Variants in RPAP2 observed in about 807,000 individuals in gnomAD.
The protein encoded by RPAP2 is RNA polymerase II associated protein 2, also known as putative RNA polymerase II subunit B1 CTD phosphatase RPAP2.
RPAP2 carries 52 observed loss-of-function variants against 73.1 expected under a neutral mutation model. That is an observed-to-expected ratio of 0.71 (90% CI 0.57 to 0.90). The LOEUF (loss-of-function observed/expected upper bound fraction) is 0.90, where lower values mean the gene tolerates loss of function less well. Among genes scored for constraint, RPAP2 ranks in the 40% least tolerant of loss-of-function variants. The pLI, the probability that RPAP2 is intolerant of heterozygous loss-of-function variation, is 0.00. For missense variants in RPAP2, 598 were observed against 701.8 expected, an observed-to-expected ratio of 0.85 and a Z score of 1.67; for synonymous variants, 225 against 242.1, an observed-to-expected ratio of 0.93 and a Z score of 0.65.
Position 92,345,911 on chromosome 1 carries a change from C to A in RPAP2, c.1685C>A (p.Ser562Ter). ...EWTLIAMVLL[S>*]LLTPILGIQK... is the part of the protein sequence containing the mutation. ...ACTTTAATTGCTATGGTGTTGCTGTCATTGTAAGTACTCTCTCAGATTTTA... is the reference window on the plus strand; with the variant it reads ...ACTTTAATTGCTATGGTGTTGCTGTAATTGTAAGTACTCTCTCAGATTTTA... Residue 562 changes from serine to a stop codon, truncating the protein, a stop_gained, in exon 11 of 13, where the codon TCA becomes TAA. Transcript: ENST00000610020. LOFTEE classifies it high-confidence loss of function. The A allele has an allele frequency of 6.3e-7, 1 of 1,593,918 alleles. No individual in the cohort carries two copies. The highest frequency in any genetic ancestry group is 8.6e-7 in the Non-Finnish European group (1 of 1,163,312).
At position 92,399,570 on chromosome 1, in the gene RPAP2, A is replaced by G. The variant is rs938238563; in HGVS notation, c.*12559A>G. On this transcript the variant is annotated 3_prime_UTR_variant, in exon 13 of 13. Transcript: ENST00000610020. ...AGCAGTGTCCACTTCAGGTACTGTA[A>G]TGTTTTGAAGTTGACACATATAATT... 2.0e-5 allele frequency: 3 copies of G among 152,190 alleles called. No homozygotes were observed. Among genetic ancestry groups the G allele is most frequent in the Non-Finnish European group, 4.4e-5 (3 of 68,034 alleles). 9.4% of individuals were successfully genotyped at this position (152,190 alleles called of 1,614,324 possible). A position where few individuals can be genotyped will look rare whatever the true frequency, so the allele number is the denominator to read the frequency against.
intron 3 of RPAP2, among the ~76,000 whole-genome samples, 160 bp downstream of exon 3, chr1:92,301,750 T>G (rs1405378865): frequency 6.6e-6 from 1 of 152,238 alleles, no homozygotes; most frequent in East Asian, 1.9e-4. Flanking sequence ...TAAACAACTA[T>G]CATGCATTCC....
intron 10 of RPAP2, among the ~76,000 whole-genome samples, chr1:92,338,383 G>A (rs781204204): frequency 1.3e-5 from 2 of 152,210 alleles, no homozygotes; most frequent in Admixed American, 6.5e-5. Flanking sequence ...GAACTTGTCT[G>A]CATGCTGTGT....
Position 92,324,023 on chromosome 1 carries a change from A to C in RPAP2, c.1103A>C (p.Lys368Thr), listed in dbSNP as rs779309910. 1 of 1,613,952 alleles carries C rather than the reference A, an allele frequency of 6.2e-7. No homozygotes were observed. The highest frequency in any genetic ancestry group is 1.1e-5 in the South Asian group (1 of 91,078). ...CPEVGKRNLL[K>T]VLKETLIEWK... ...GAAGTTGGAAAGAGAAACTTACTTAAAGTTTTGAAGGAGACTTTGATTGAG... is the reference window on the plus strand; with the variant it reads ...GAAGTTGGAAAGAGAAACTTACTTACAGTTTTGAAGGAGACTTTGATTGAG... The change falls in exon 8 of 13, where the codon AAA becomes ACA. Residue 368 changes from lysine to threonine, a missense_variant. Physicochemically the swap from Lys to Thr is moderately conservative, Grantham distance 78. Transcript: ENST00000610020.
intron 1 of RPAP2, among the ~76,000 whole-genome samples, chr1:92,299,605 A>G (rs572125219): frequency 6.6e-6 from 1 of 152,248 alleles, no homozygotes; most frequent in East Asian, 1.9e-4. Flanking sequence ...AAGTACCCAG[A>G]TCTCAGATTT....
At chr1:92,299,246 A>G in intron 1 of RPAP2, 100 bp downstream of exon 1, 1 of 603,658 alleles carries the variant, frequency 1.7e-6, no homozygotes. Context: ...AGGCTGCTTC[A>G]GGGGAGGGGT....
chr1:92,355,462 G>A (rs917459479), intron 11 of RPAP2, among the ~76,000 whole-genome samples: 12 of 152,154 alleles, frequency 7.9e-5, no homozygotes, highest in African/African-American at 2.9e-4. Flanking sequence ...ATAAAGATGA[G>A]TATATTTAGC....
At chr1:92,315,650 C>T (rs908557313) in intron 6 of RPAP2, among the ~76,000 whole-genome samples, 2 of 152,192 alleles carry the variant, frequency 1.3e-5, no homozygotes, top group African/African-American at 4.8e-5. Context: ...ACAGTAAGCT[C>T]ACTACCTCAT....
chr1:92,400,845 C>T lies in RPAP2; in HGVS notation c.*13834C>T, dbSNP rs1332430253. ...GGGAGAGTGTATTAGTCTATTCTTA[C>T]ATTGCTATAAGGAAATACCCCAGAC... On this transcript the variant is annotated 3_prime_UTR_variant, in exon 13 of 13. Transcript: ENST00000610020. The T allele has an allele frequency of 6.6e-6, 1 of 152,188 alleles. No individual in the cohort carries two copies. The highest frequency in any genetic ancestry group is 1.5e-5 in the Non-Finnish European group (1 of 68,042). 9.4% of individuals were successfully genotyped at this position (152,188 alleles called of 1,614,324 possible). A position where few individuals can be genotyped will look rare whatever the true frequency, so the allele number is the denominator to read the frequency against.
At chr1:92,341,428 C>A (rs1653588243) in intron 10 of RPAP2, among the ~76,000 whole-genome samples, 2 of 152,050 alleles carry the variant, frequency 1.3e-5, no homozygotes, top group Admixed American at 1.3e-4. Flanking sequence ...TTTGGCTCAA[C>A]AATAGGAAAA....
At chr1:92,301,903 T>C (rs1408582702) in intron 3 of RPAP2, among the ~76,000 whole-genome samples, 2 of 152,216 alleles carry the variant, frequency 1.3e-5, no homozygotes, top group African/African-American at 4.8e-5. Flanking sequence ...GTGATAGATA[T>C]GTTAATTAGC....
chr1:92,387,869 T>C lies in RPAP2; in HGVS notation c.*858T>C, dbSNP rs1030254832. 1.3e-5 allele frequency: 2 copies of C among 152,224 alleles called. No individual in the cohort carries two copies. The highest frequency in any genetic ancestry group is 2.9e-5 in the Non-Finnish European group (2 of 68,034). The allele number at this position is 152,224 out of a possible 1,614,324, so 9.4% of individuals were successfully genotyped here. Reference sequence around the variant, plus strand: ...ACTTTCTGGACTTCAGTTCAGGTTGTATGGCAGTAGGCCATAGAATTGGCT... The same window carrying C: ...ACTTTCTGGACTTCAGTTCAGGTTGCATGGCAGTAGGCCATAGAATTGGCT... On this transcript the variant is annotated 3_prime_UTR_variant, in exon 13 of 13. Transcript: ENST00000610020.
intron 11 of RPAP2, among the ~76,000 whole-genome samples, chr1:92,357,352 T>C (rs908410931): frequency 6.6e-6 from 1 of 152,116 alleles, no homozygotes; most frequent in Non-Finnish European, 1.5e-5. Flanking sequence ...AAGATTTCAA[T>C]TGGGAGGTTA....
chr1:92,311,425 T>C (rs148103515), intron 6 of RPAP2, among the ~76,000 whole-genome samples: 10 of 152,346 alleles, frequency 6.6e-5, no homozygotes, highest in African/African-American at 2.4e-4. Flanking sequence ...AAGGTCTGTC[T>C]CAATAATTTT....
intron 6 of RPAP2, among the ~76,000 whole-genome samples, chr1:92,316,356 C>T (rs1651903925): frequency 6.6e-6 from 1 of 152,166 alleles, no homozygotes; most frequent in South Asian, 2.1e-4. Context: ...CTTTCTGAAA[C>T]AGGGTTTGAC....
chr1:92,300,306 A>G, intron 2 of RPAP2, 67 bp downstream of exon 2: 4 of 1,259,094 alleles, frequency 3.2e-6, no homozygotes, highest in Non-Finnish European at 4.6e-6. Flanking sequence ...TACCAATTTT[A>G]AAACAATAAT....
At chr1:92,379,116 A>G (rs1655509004) in intron 11 of RPAP2, among the ~76,000 whole-genome samples, 1 of 152,224 alleles carries the variant, frequency 6.6e-6, no homozygotes, top group African/African-American at 2.4e-5. Flanking sequence ...TCCGTATAGG[A>G]TGGGCTAAGC....
At chr1:92,377,218 G>A (rs992492254) in intron 11 of RPAP2, among the ~76,000 whole-genome samples, 2 of 152,102 alleles carry the variant, frequency 1.3e-5, no homozygotes, top group African/African-American at 4.8e-5. Context: ...AGCAGGGCTA[G>A]GATTAGAATT....
At chr1:92,341,142 G>C (rs934948240) in intron 10 of RPAP2, among the ~76,000 whole-genome samples, 2 of 151,980 alleles carry the variant, frequency 1.3e-5, no homozygotes, top group Non-Finnish European at 2.9e-5. Flanking sequence ...CTGAGTAGCT[G>C]GGACTACAGA....
Sources: gnomAD v4.1 joint callset for allele counts (sites outside exome capture counted in the v4.1 genomes callset) on GRCh38, gnomAD v4.1.1 for gene constraint, MANE v1.5 for transcripts, NCBI Gene and HGNC (gene_info 2026-07-23, HGNC 2026-07-21) for gene names.